The following PCYT1A variants were observed in gnomAD, a reference collection of about 807,000 sequenced individuals.
PCYT1A encodes phosphate cytidylyltransferase 1A, choline, also known as choline-phosphate cytidylyltransferase A.
PCYT1A carries 25 observed loss-of-function variants against 43.7 expected under a neutral mutation model. The observed-to-expected ratio is 0.57, with a 90% CI of 0.42 to 0.80. The LOEUF is 0.80. Ranked by LOEUF, PCYT1A falls within the 30% of genes least tolerant of loss-of-function variation. The pLI is 0.00. For missense variants in PCYT1A, 421 were observed against 474.2 expected, an observed-to-expected ratio of 0.89 and a Z score of 1.04; for synonymous variants, 172 against 170.7, an observed-to-expected ratio of 1.01 and a Z score of -0.06.
chr3:196,238,713 T>A lies in PCYT1A; in HGVS notation c.1079A>T (p.Asp360Val), dbSNP rs754092372. Reference protein sequence around the residue: ...NLSRHKAAAYDISEDEED With the variant: ...NLSRHKAAAYVISEDEED ...TTAGTCTTCTTCATCCTCACTGATATCATAGGCTGCAGCCTTGTGCCTGGA... is the reference window on the plus strand; with the variant it reads ...TTAGTCTTCTTCATCCTCACTGATAACATAGGCTGCAGCCTTGTGCCTGGA... Residue 360 changes from aspartate to valine, a missense_variant, in exon 9 of 9, where the codon GAT becomes GTT. Around this residue, in one of 3 missense-constraint regions of PCYT1A, gnomAD observed 108 missense variants for 85.7 expected, o/e 1.26. Transcript: ENST00000431016. 4 of 1,576,960 alleles carry A rather than the reference T, an allele frequency of 2.5e-6. No individual in the cohort carries two copies. Among genetic ancestry groups the A allele is most frequent in the South Asian group, 1.2e-5 (1 of 86,100 alleles).
At position 196,247,522 on chromosome 3, in the gene PCYT1A, G is replaced by A; in HGVS notation, c.335-4C>T. ...TGTGTGAGCTCATCACTGCAAACTG[G>A]TTCACCACATCATAAATTGTGTGTT... On this transcript the variant is annotated splice_region_variant and splice_polypyrimidine_tract_variant and intron_variant, in intron 4 of 8. Coordinates refer to ENST00000431016, the MANE Select transcript of PCYT1A (RefSeq NM_001312673.2). This position sits in a 1 kb window ranked among gnomAD's most constrained non-coding sequence, Gnocchi z 4.8. 1 of 1,613,950 alleles carries A rather than the reference G, an allele frequency of 6.2e-7. No homozygotes were observed.
intron 1 of PCYT1A, among the ~76,000 whole-genome samples, chr3:196,283,119 C>T (rs1361303570): frequency 6.6e-6 from 1 of 152,210 alleles, no homozygotes; most frequent in Non-Finnish European, 1.5e-5. Flanking sequence ...GGATGGATCA[C>T]TTGAGGTCTG....
At chr3:196,280,570 G>GTTTTTTTTTTTTTTTTTTTTTTTTTTTTT in intron 1 of PCYT1A, among the ~76,000 whole-genome samples, 3 of 91,344 alleles carry the variant, frequency 3.3e-5, no homozygotes, top group Non-Finnish European at 6.2e-5. Flanking sequence ...TATTTTTATT[G>GTTTTTTTTTTTTTTTTTTTTTTTTTTTTT]TTTTTTTTTT....
At chr3:196,287,333 T>G (rs1470982644) in intron 1 of PCYT1A, 1 of 152,238 alleles carries the variant, frequency 6.6e-6, no homozygotes, top group Non-Finnish European at 1.5e-5. Flanking sequence ...TTGGAGTCCT[T>G]GCCCCTTGAT....
In PCYT1A at chr3:196,238,751, G is replaced by A. The variant is rs201679700; in HGVS notation, c.1041C>T (p.Ser347=). 2.2e-5 allele frequency: 35 copies of A among 1,592,158 alleles called. No individual in the cohort carries two copies. In the East Asian group the frequency reaches 7.4e-4, roughly 33 times the overall value. The change falls in exon 9 of 9, where the codon TCC becomes TCT. Residue 347 remains serine (S), a synonymous_variant. Transcript: ENST00000431016. ...PFSGKTSPPC[S]PANLSRHKAA... is the part of the protein sequence containing the mutation. ...CCTTGTGCCTGGAGAGATTTGCTGG[G>A]GAGCAAGGTGGGGAAGTCTTGCCGG...
chr3:196,247,293 G>T lies in PCYT1A; in HGVS notation c.486+74C>A. 1 of 1,512,508 alleles carries T rather than the reference G, an allele frequency of 6.6e-7. No individual in the cohort carries two copies. Among genetic ancestry groups the T allele is most frequent in the Non-Finnish European group, 9.1e-7 (1 of 1,097,252 alleles). 93.7% of individuals were successfully genotyped at this position (1,512,508 alleles called of 1,614,324 possible). On this transcript the variant is annotated intron_variant, in intron 5 of 8. Coordinates refer to ENST00000431016, the MANE Select transcript of PCYT1A (RefSeq NM_001312673.2). This position sits in a 1 kb window ranked among gnomAD's most constrained non-coding sequence, Gnocchi z 4.8. ...GTAAAACACGGCTAGTGGAAAACCAGCCTACGTGCCAGCAGCTTTGAGAGT... is the reference window on the plus strand; with the variant it reads ...GTAAAACACGGCTAGTGGAAAACCATCCTACGTGCCAGCAGCTTTGAGAGT...
intron 3 of PCYT1A, among the ~76,000 whole-genome samples, chr3:196,249,874 CTATG>C: frequency 6.6e-6 from 1 of 151,354 alleles, no homozygotes; most frequent in Non-Finnish European, 1.5e-5. Flanking sequence ...ACCAGATACA[CTATG>C]CTGAGGCTGA....
intron 1 of PCYT1A, among the ~76,000 whole-genome samples, chr3:196,275,271 A>T (rs1197400334): frequency 6.6e-6 from 1 of 152,212 alleles, no homozygotes; most frequent in Non-Finnish European, 1.5e-5. Flanking sequence ...ACATTATGCT[A>T]AGTGAAATAA....
In PCYT1A at chr3:196,252,246, T is replaced by A. The variant is rs1560167429; in HGVS notation, c.218-3923A>T. 6.6e-6 allele frequency among the ~76,000 whole-genome samples: 1 copy of A among 152,076 alleles called. No individual in the cohort carries two copies. Among genetic ancestry groups the A allele is most frequent in the Non-Finnish European group, 1.5e-5 (1 of 67,996 alleles). ...CACATGTTGCCCAAGCTAGTTGTATTTTTATTTATTTATTTATTTGAGATG... is the reference window on the plus strand; with the variant it reads ...CACATGTTGCCCAAGCTAGTTGTATATTTATTTATTTATTTATTTGAGATG... On this transcript the variant is annotated intron_variant, in intron 3 of 8. Coordinates refer to ENST00000431016, the MANE Select transcript of PCYT1A (RefSeq NM_001312673.2). The surrounding 1 kb of genome is among the most constrained non-coding windows in gnomAD (Gnocchi z 4.0).
At chr3:196,284,624 T>C (rs540143870) in intron 1 of PCYT1A, among the ~76,000 whole-genome samples, 1 of 152,118 alleles carries the variant, frequency 6.6e-6, no homozygotes, top group East Asian at 1.9e-4. Flanking sequence ...GGATCACATA[T>C]CCAAAAAGCA....
At chr3:196,274,883 G>A (rs1336073722) in intron 1 of PCYT1A, among the ~76,000 whole-genome samples, 2 of 152,106 alleles carry the variant, frequency 1.3e-5, no homozygotes, top group East Asian at 1.9e-4. Flanking sequence ...CATCACAAAT[G>A]CAAATTAAAA....
rs572515372 is a variant in PCYT1A at position 196,261,580 on chromosome 3, G to A, written c.118-3693C>T. ...CGAGGCGGGTAGACCACCTTAGGTC[G>A]GGAGTTCGAGACCAGCCTGGCCAGC... On this transcript the variant is annotated intron_variant, in intron 2 of 8. Transcript: ENST00000431016. 1.2e-4 allele frequency among the ~76,000 whole-genome samples: 18 copies of A among 152,056 alleles called. No individual in the cohort carries two copies. In the South Asian group the frequency reaches 2.7e-3, roughly 23 times the overall value.
chr3:196,257,598 A>T (rs1724986472), intron 3 of PCYT1A, among the ~76,000 whole-genome samples, 190 bp downstream of exon 3: 1 of 152,226 alleles, frequency 6.6e-6, no homozygotes, highest in South Asian at 2.1e-4. Context: ...TAATAAGAAA[A>T]AAAATGAAAG....
At chr3:196,275,979 C>T (rs1213123388) in intron 1 of PCYT1A, among the ~76,000 whole-genome samples, 1 of 151,612 alleles carries the variant, frequency 6.6e-6, no homozygotes, top group East Asian at 1.9e-4. Flanking sequence ...CACCTGTAGT[C>T]CCAGCTGCTG....
chr3:196,286,706 C>G (rs1206035003), intron 1 of PCYT1A, among the ~76,000 whole-genome samples: 1 of 152,068 alleles, frequency 6.6e-6, no homozygotes, highest in Non-Finnish European at 1.5e-5. Flanking sequence ...CTGAGGTCAG[C>G]AGTTCAAGAC....
At chr3:196,261,560 C>A (rs960291798) in intron 2 of PCYT1A, among the ~76,000 whole-genome samples, 4 of 152,060 alleles carry the variant, frequency 2.6e-5, no homozygotes, top group Non-Finnish European at 5.9e-5. Flanking sequence ...GAGGCCGAGG[C>A]GGGTAGACCA....
intron 7 of PCYT1A, among the ~76,000 whole-genome samples, chr3:196,241,131 T>TAAA (rs1209954920): frequency 0.031 from 1,541 of 49,688 alleles, 110 homozygotes; most frequent in Non-Finnish European, 0.043. Context: ...CCATCTCTGC[T>TAAA]AAAAAAAAAA....
chr3:196,269,218 C>T (rs1386556028), intron 2 of PCYT1A, among the ~76,000 whole-genome samples: 2 of 152,118 alleles, frequency 1.3e-5, no homozygotes, highest in African/African-American at 4.8e-5. Flanking sequence ...ATATACTTGC[C>T]CTTATGATCA....
In PCYT1A at chr3:196,273,023, C is replaced by T. The variant is rs1725481778; in HGVS notation, c.-10-2482G>A. Among the ~76,000 whole-genome samples the T allele has an allele frequency of 6.6e-6, 1 of 152,146 alleles. No individual in the cohort carries two copies. The highest frequency in any genetic ancestry group is 2.4e-5 in the African/African-American group (1 of 41,442). ...CACGGAGCGGCAAGAGGTGCACAGG[C>T]GAGCCAGCACAGGGTCCGGCCACTG... On this transcript the variant is annotated intron_variant, in intron 1 of 8. Coordinates refer to ENST00000431016, the MANE Select transcript of PCYT1A (RefSeq NM_001312673.2). This position sits in a 1 kb window ranked among gnomAD's most constrained non-coding sequence, Gnocchi z 4.1.
Sources: allele counts gnomAD v4.1 joint callset (sites outside exome capture counted in the v4.1 genomes callset), GRCh38; gene constraint gnomAD v4.1.1; regional missense constraint gnomAD v4.1.1; non-coding constraint Gnocchi (gnomAD v3.1); transcripts MANE v1.5; gene names NCBI Gene and HGNC (gene_info 2026-07-23, HGNC 2026-07-21).